Variants in CEP128 observed in about 807,000 individuals in gnomAD.
CEP128 encodes the protein centrosomal protein 128kDa.
In CEP128, 132 loss-of-function variants were observed where a neutral mutation model predicts 156.7. The ratio of observed to expected loss-of-function variants is 0.84; its 90% CI spans 0.73 to 0.97. The LOEUF is 0.97. Among genes scored for constraint, CEP128 ranks in the 50% least tolerant of loss-of-function variants. The pLI is 0.00. For synonymous variants in CEP128, 469 were observed against 448.9 expected (o/e 1.04, Z -0.57); for missense variants, 1,252 against 1,281.9 (o/e 0.98, Z 0.36).
At chr14:80,736,257 T>TAAA (rs33965250) in intron 19 of CEP128, among the ~76,000 whole-genome samples, 112 of 147,216 alleles carry the variant, frequency 7.6e-4, no homozygotes, top group East Asian at 1.6e-3. Flanking sequence ...TATAAGGTTT[T>TAAA]AAAAAAAAAA....
intron 9 of CEP128, among the ~76,000 whole-genome samples, chr14:80,857,755 ACAACAAC>A (rs1566674736): frequency 6.8e-6 from 1 of 147,490 alleles, no homozygotes; most frequent in Non-Finnish European, 1.5e-5. Flanking sequence ...AACAACAACA[ACAACAAC>A]AACAACAAAA....
chr14:80,782,673 G>C (rs767013095), intron 15 of CEP128, among the ~76,000 whole-genome samples: 40 of 152,060 alleles, frequency 2.6e-4, no homozygotes, highest in Non-Finnish European at 5.1e-4. Flanking sequence ...AAGATGCCTT[G>C]TCTCCTGTTG....
At chr14:80,663,926 A>G (rs1188961627) in intron 19 of CEP128, among the ~76,000 whole-genome samples, 1 of 152,142 alleles carries the variant, frequency 6.6e-6, no homozygotes, top group Non-Finnish European at 1.5e-5. Context: ...TCCAGTGCCA[A>G]ATTTATCTGC....
intron 19 of CEP128, among the ~76,000 whole-genome samples, chr14:80,673,434 G>T (rs1054371877): frequency 6.6e-6 from 1 of 150,932 alleles, no homozygotes; most frequent in South Asian, 2.1e-4. Context: ...ACGAGGTCAG[G>T]AGATCGAGAC....
rs967818097 is a variant in CEP128 at position 80,497,597 on chromosome 14, A to G, written c.3182-15T>C. The G allele has an allele frequency of 1.3e-6, 2 of 1,562,970 alleles. No homozygotes were observed. The highest frequency in any genetic ancestry group is 2.7e-5 in the African/African-American group (2 of 73,666). On this transcript the variant is annotated splice_polypyrimidine_tract_variant and intron_variant, in intron 24 of 24. Transcript: ENST00000555265. The stretch of plus-strand genomic sequence containing the variant: ...TTTGGTAAATGCTGGCAAGGTAAGA[A>G]GAAAAAGAAAAATAAACCTAGGTGA...
chr14:80,855,884 A>G (rs2140134318), intron 9 of CEP128, among the ~76,000 whole-genome samples: 1 of 152,298 alleles, frequency 6.6e-6, no homozygotes, highest in African/African-American at 2.4e-5. Context: ...GGTTTCATGG[A>G]AGCTTCTCCC....
intron 19 of CEP128, among the ~76,000 whole-genome samples, chr14:80,587,309 A>G (rs553141041): frequency 6.6e-6 from 1 of 152,304 alleles, no homozygotes; most frequent in East Asian, 1.9e-4. Context: ...AATGAAGAAC[A>G]ACATTCAAAA....
chr14:80,709,708 C>T (rs1897335404), intron 19 of CEP128, among the ~76,000 whole-genome samples: 1 of 152,116 alleles, frequency 6.6e-6, no homozygotes, highest in Non-Finnish European at 1.5e-5. Context: ...CAGTATACTT[C>T]TATATCTTTC....
chr14:80,930,496 A>G (rs1249521859), intron 2 of CEP128, among the ~76,000 whole-genome samples: 2 of 152,202 alleles, frequency 1.3e-5, no homozygotes, highest in Non-Finnish European at 1.5e-5. Context: ...AGATCCAATG[A>G]TGGGACAGCA....
At chr14:80,868,060 C>A (rs1342489193) in intron 8 of CEP128, among the ~76,000 whole-genome samples, 1 of 151,824 alleles carries the variant, frequency 6.6e-6, no homozygotes, top group Non-Finnish European at 1.5e-5. Flanking sequence ...ATTCAAAGTC[C>A]TGGCAGGGGG....
At chr14:80,550,067 A>G (rs1344778647) in intron 21 of CEP128, among the ~76,000 whole-genome samples, 1 of 152,186 alleles carries the variant, frequency 6.6e-6, no homozygotes, top group Non-Finnish European at 1.5e-5. Flanking sequence ...CAGTGTTTTT[A>G]AAAGAAAAAT....
At chr14:80,828,862 T>C (rs910948181) in intron 13 of CEP128, among the ~76,000 whole-genome samples, 2 of 152,204 alleles carry the variant, frequency 1.3e-5, no homozygotes, top group Admixed American at 6.5e-5. Context: ...TTTATTCATA[T>C]TTGGTCTCTG....
chr14:80,601,370 C>T (rs952412278), intron 19 of CEP128, among the ~76,000 whole-genome samples: 2 of 152,198 alleles, frequency 1.3e-5, no homozygotes, highest in South Asian at 4.1e-4. Context: ...CTTTTGGCTT[C>T]CCTGGGCCAC....
intron 21 of CEP128, among the ~76,000 whole-genome samples, chr14:80,558,553 G>A (rs1890536303): frequency 6.6e-6 from 1 of 152,128 alleles, no homozygotes; most frequent in South Asian, 2.1e-4. Context: ...CTCCCAAAGT[G>A]CTGGGATTAC....
chr14:80,827,522 C>T lies in CEP128; in HGVS notation c.1209+3621G>A, dbSNP rs143639006. 1.4e-3 allele frequency among the ~76,000 whole-genome samples: 211 copies of T among 152,166 alleles called. 2 individuals carry two copies. The highest frequency in any genetic ancestry group is 4.5e-3 in the African/African-American group (188 of 41,510). On this transcript the variant is annotated intron_variant, in intron 13 of 24. Coordinates refer to ENST00000555265, the MANE Select transcript of CEP128 (RefSeq NM_152446.5). Reference sequence around the variant, plus strand: ...TTAAACATAAGACTGAGCATCAGAGCGAAAGCATAGAAGATTGCTGGAATG... The same window carrying T: ...TTAAACATAAGACTGAGCATCAGAGTGAAAGCATAGAAGATTGCTGGAATG...
chr14:80,831,952 A>T (rs764007853), intron 12 of CEP128, among the ~76,000 whole-genome samples: 1 of 152,178 alleles, frequency 6.6e-6, no homozygotes, highest in Non-Finnish European at 1.5e-5. Flanking sequence ...CTCATCTTGA[A>T]TTGTAGCTCC....
chr14:80,836,721 T>C (rs565265749), intron 11 of CEP128, among the ~76,000 whole-genome samples: 3 of 152,370 alleles, frequency 2.0e-5, no homozygotes, highest in Admixed American at 6.5e-5. Context: ...TAAATGATCA[T>C]GATTTAGCAT....
chr14:80,826,699 T>C (rs1885500491), intron 13 of CEP128, among the ~76,000 whole-genome samples: 1 of 152,208 alleles, frequency 6.6e-6, no homozygotes, highest in Admixed American at 6.5e-5. Context: ...TAATGAATTA[T>C]CATGTCAGTT....
At chr14:80,536,113 T>G (rs2140294844) in intron 21 of CEP128, among the ~76,000 whole-genome samples, 1 of 152,322 alleles carries the variant, frequency 6.6e-6, no homozygotes, top group Middle Eastern at 3.4e-3. Context: ...TAGTAGTTCC[T>G]TTATTTCTGA....
Sources: allele counts gnomAD v4.1 joint callset (sites outside exome capture counted in the v4.1 genomes callset), GRCh38; gene constraint gnomAD v4.1.1; transcripts MANE v1.5; gene names NCBI Gene and HGNC (gene_info 2026-07-23, HGNC 2026-07-21).